NOX4: variants seen among roughly 807,000 people sequenced by gnomAD.
NOX4 encodes the protein NADPH oxidase 4, also known as kidney oxidase-1.
A neutral mutation model predicts 87.6 loss-of-function variants in NOX4; 69 were observed. That is an observed-to-expected ratio of 0.79 (90% confidence interval 0.65 to 0.96). The LOEUF is 0.96. Among genes scored for constraint, NOX4 ranks in the 40% least tolerant of loss-of-function variants. The pLI is 0.00. For synonymous variants in NOX4, 275 were observed against 238.2 expected, an observed-to-expected ratio of 1.15 and a Z score of -1.42; for missense variants, 680 against 681.5, an observed-to-expected ratio of 1.00 and a Z score of 0.02.
the NOX4 span, among the ~76,000 whole-genome samples, chr11:89,503,496 A>G: frequency 6.6e-6 from 1 of 151,834 alleles, no homozygotes; most frequent in South Asian, 2.1e-4. Context: ...TCCTCTTTTC[A>G]GCTCATTAAT....
At chr11:89,516,176 C>T in the NOX4 span, among the ~76,000 whole-genome samples, 1 of 151,930 alleles carries the variant, frequency 6.6e-6, no homozygotes, top group African/African-American at 2.4e-5. Context: ...AATACATTTC[C>T]ACTCACTTCC....
At position 89,491,217 on chromosome 11, in the gene NOX4, G is replaced by A; in HGVS notation, c.30C>T (p.Ala10=). 1 of 1,613,748 alleles carries A rather than the reference G, an allele frequency of 6.2e-7. No individual in the cohort carries two copies. Among genetic ancestry groups the A allele is most frequent in the Non-Finnish European group, 8.5e-7 (1 of 1,179,874 alleles). MAVSWRSWL[A]NEGVKHLCLF... ...GGCAGAGGTGTTTAACCCCTTCGTTGGCGAGCCAGCTCCTCCAGGACACAG... is the reference window on the plus strand; with the variant it reads ...GGCAGAGGTGTTTAACCCCTTCGTTAGCGAGCCAGCTCCTCCAGGACACAG... The change falls in exon 1 of 18, where the codon GCC becomes GCT. Residue 10 remains alanine (A), a synonymous_variant. Coordinates refer to ENST00000263317, the MANE Select transcript of NOX4 (RefSeq NM_016931.5).
At chr11:89,578,024 G>A in the NOX4 span, among the ~76,000 whole-genome samples, 2 of 152,072 alleles carry the variant, frequency 1.3e-5, no homozygotes, top group African/African-American at 4.8e-5. Context: ...ATCCAATACC[G>A]TATGTTTTCT....
chr11:89,584,208 G>A, the NOX4 span, among the ~76,000 whole-genome samples: 2 of 151,966 alleles, frequency 1.3e-5, no homozygotes, highest in African/African-American at 4.8e-5. Flanking sequence ...GAATTACATT[G>A]TATTGTCATT....
intron 4 of NOX4, among the ~76,000 whole-genome samples, chr11:89,444,931 T>A (rs545497562): frequency 3.1e-4 from 47 of 152,194 alleles, no homozygotes; most frequent in African/African-American, 1.1e-3. Context: ...AAAGCTAGGG[T>A]AATAAAAATT....
the NOX4 span, among the ~76,000 whole-genome samples, chr11:89,535,416 C>T: frequency 6.6e-6 from 1 of 152,228 alleles, no homozygotes; most frequent in Non-Finnish European, 1.5e-5. Flanking sequence ...TTTTCAGTGG[C>T]ATCCAAGGCC....
At chr11:89,585,112 G>A in the NOX4 span, among the ~76,000 whole-genome samples, 6 of 152,072 alleles carry the variant, frequency 3.9e-5, no homozygotes, top group South Asian at 2.1e-4. Context: ...AGCTTACACC[G>A]GCGCTTATAG....
At chr11:89,538,682 T>C in the NOX4 span, among the ~76,000 whole-genome samples, 5 of 152,022 alleles carry the variant, frequency 3.3e-5, no homozygotes, top group Non-Finnish European at 7.4e-5. Context: ...AATAAATTTC[T>C]CCAAAACTCA....
chr11:89,433,867 C>T lies in NOX4; in HGVS notation c.476-1011G>A, dbSNP rs112608190. 2.6e-4 allele frequency among the ~76,000 whole-genome samples: 40 copies of T among 152,110 alleles called. 1 individual carries two copies. The highest frequency in any genetic ancestry group is 8.2e-4 in the African/African-American group (34 of 41,542). On this transcript the variant is annotated intron_variant, in intron 6 of 17. Coordinates refer to ENST00000263317, the MANE Select transcript of NOX4 (RefSeq NM_016931.5). ...TAGCATGTCCAAAATGAATAGCTAACTGAAAAACAATATCCTAAACAGCTA... is the reference window on the plus strand; with the variant it reads ...TAGCATGTCCAAAATGAATAGCTAATTGAAAAACAATATCCTAAACAGCTA...
chr11:89,510,115 C>T, the NOX4 span, among the ~76,000 whole-genome samples: 1 of 152,056 alleles, frequency 6.6e-6, no homozygotes, highest in Non-Finnish European at 1.5e-5. Flanking sequence ...CTGTGCAATG[C>T]ACCTGTTAGA....
At chr11:89,356,971 T>C (rs1033232241) in intron 12 of NOX4, among the ~76,000 whole-genome samples, 3 of 152,166 alleles carry the variant, frequency 2.0e-5, no homozygotes, top group Non-Finnish European at 2.9e-5. Flanking sequence ...TTAGATAGTA[T>C]GCAAAGCTAA....
chr11:89,491,211 T>C lies in NOX4; in HGVS notation c.36A>G (p.Glu12=). Residue 12 remains glutamate, a synonymous_variant, in exon 1 of 18, where the codon GAA becomes GAG. Transcript: ENST00000263317. ...AVSWRSWLAN[E]GVKHLCLFIW... is the part of the protein sequence containing the mutation. The stretch of plus-strand genomic sequence containing the variant: ...CTACCAGGCAGAGGTGTTTAACCCC[T>C]TCGTTGGCGAGCCAGCTCCTCCAGG... 3 of 1,613,826 alleles carry C rather than the reference T, an allele frequency of 1.9e-6. No homozygotes were observed. The highest frequency in any genetic ancestry group is 1.3e-5 in the African/African-American group (1 of 75,052).
chr11:89,465,818 G>T (rs1264142779), intron 2 of NOX4, among the ~76,000 whole-genome samples: 1 of 150,748 alleles, frequency 6.6e-6, no homozygotes, highest in Non-Finnish European at 1.5e-5. Context: ...CTCACTTTAT[G>T]ATGGGGTTTT....
At chr11:89,583,772 C>G in the NOX4 span, among the ~76,000 whole-genome samples, 1 of 152,050 alleles carries the variant, frequency 6.6e-6, no homozygotes, top group Non-Finnish European at 1.5e-5. Context: ...TTGCACTGAT[C>G]CCTCTAAGGT....
At chr11:89,417,454 A>T (rs1398303899) in intron 8 of NOX4, among the ~76,000 whole-genome samples, 1 of 152,176 alleles carries the variant, frequency 6.6e-6, no homozygotes, top group African/African-American at 2.4e-5. Context: ...AAAAAGGTAT[A>T]TTAAAAATCA....
the NOX4 span, among the ~76,000 whole-genome samples, chr11:89,565,137 A>T: frequency 1.3e-5 from 2 of 152,174 alleles, no homozygotes; most frequent in African/African-American, 2.4e-5. Flanking sequence ...ATTCATGAAC[A>T]TATATTCTCT....
intron 12 of NOX4, among the ~76,000 whole-genome samples, chr11:89,359,053 T>C (rs1371117074): frequency 6.6e-6 from 1 of 152,114 alleles, no homozygotes; most frequent in African/African-American, 2.4e-5. Flanking sequence ...CAAGCTTTTG[T>C]AGACCTTCAT....
At chr11:89,388,608 G>T (rs1323885679) in intron 11 of NOX4, among the ~76,000 whole-genome samples, 1 of 152,080 alleles carries the variant, frequency 6.6e-6, no homozygotes, top group Non-Finnish European at 1.5e-5. Flanking sequence ...CAACAAATCT[G>T]CTGCATGCAA....
At chr11:89,487,271 T>A (rs1328051351) in intron 2 of NOX4, among the ~76,000 whole-genome samples, 1 of 152,164 alleles carries the variant, frequency 6.6e-6, no homozygotes, top group Non-Finnish European at 1.5e-5. Flanking sequence ...TTTCCCAGCT[T>A]AAACAAAACA....
Sources: allele counts gnomAD v4.1 joint callset (sites outside exome capture counted in the v4.1 genomes callset), GRCh38; gene constraint gnomAD v4.1.1; transcripts MANE v1.5; gene names NCBI Gene and HGNC (gene_info 2026-07-23, HGNC 2026-07-21).